SARNP: variants seen among roughly 807,000 people sequenced by gnomAD.
The protein encoded by SARNP is SAP domain-containing ribonucleoprotein.
In SARNP, 5 loss-of-function variants were observed where a neutral mutation model predicts 38.1. The observed-to-expected ratio is 0.13, with a 90% confidence interval of 0.07 to 0.28. The LOEUF (loss-of-function observed/expected upper bound fraction) is 0.28, where lower values mean the gene tolerates loss of function less well. SARNP is among the 10% of genes least tolerant of loss of function. The pLI is 1.00. For synonymous variants in SARNP, 84 were observed against 80.6 expected (o/e 1.04, Z -0.23); for missense variants, 180 against 243.9 (o/e 0.74, Z 1.75).
chr12:55,765,671 G>T (rs1878807835), intron 9 of SARNP, among the ~76,000 whole-genome samples: 1 of 152,000 alleles, frequency 6.6e-6, no homozygotes, highest in African/African-American at 2.4e-5. Context: ...AAGATCTTTG[G>T]TGCCTCTTCA....
chr12:55,768,547 C>T (rs1463206065), intron 9 of SARNP, among the ~76,000 whole-genome samples: 1 of 151,946 alleles, frequency 6.6e-6, no homozygotes, highest in Non-Finnish European at 1.5e-5. Context: ...GCCTCAGCCT[C>T]TGGAGTAGCT....
chr12:55,771,503 C>T (rs534396916), intron 9 of SARNP, among the ~76,000 whole-genome samples: 16 of 152,170 alleles, frequency 1.1e-4, no homozygotes. Context: ...ATCATCCCTC[C>T]TTATACCATG....
chr12:55,790,233 CTT>C (rs1037431800), intron 8 of SARNP, among the ~76,000 whole-genome samples: 1 of 150,826 alleles, frequency 6.6e-6, no homozygotes, highest in African/African-American at 2.4e-5. Flanking sequence ...CATAGATTCT[CTT>C]GTGGTAATTA....
chr12:55,805,205 C>T (rs1280254866), intron 1 of SARNP, among the ~76,000 whole-genome samples: 3 of 152,114 alleles, frequency 2.0e-5, no homozygotes, highest in Admixed American at 1.3e-4. Context: ...GAACTTGCAG[C>T]GAGCTGAGAT....
At chr12:55,754,926 T>C (rs1878458074), downstream of SARNP, 1 of 151,946 alleles carries the variant, frequency 6.6e-6, no homozygotes, top group Non-Finnish European at 1.5e-5. Context: ...ATCCGGGAGG[T>C]AGAAACCTAA....
At chr12:55,771,776 G>A (rs78783601) in intron 9 of SARNP, among the ~76,000 whole-genome samples, 2,054 of 152,212 alleles carry the variant, frequency 0.013, 23 homozygotes, top group East Asian at 0.02. Flanking sequence ...GGAATGTAAG[G>A]TAGCATGGCA....
chr12:55,761,219 T>C (rs542226401), intron 9 of SARNP, among the ~76,000 whole-genome samples: 1 of 150,948 alleles, frequency 6.6e-6, no homozygotes, highest in African/African-American at 2.4e-5. Context: ...GAAACACCCA[T>C]AAAACAAATT....
At chr12:55,764,724 C>T (rs899381556) in intron 9 of SARNP, among the ~76,000 whole-genome samples, 24 of 139,290 alleles carry the variant, frequency 1.7e-4, no homozygotes, top group African/African-American at 2.2e-4. Flanking sequence ...AGTCCCTACT[C>T]GGGAAGCTGA....
At chr12:55,777,578 G>A (rs1879219680) in intron 9 of SARNP, among the ~76,000 whole-genome samples, 1 of 152,058 alleles carries the variant, frequency 6.6e-6, no homozygotes, top group Admixed American at 6.6e-5. Flanking sequence ...GTTTCATCAT[G>A]TTAGCCAGGA....
At chr12:55,800,451 G>T in intron 4 of SARNP, 111 bp downstream of exon 4, 1 of 768,534 alleles carries the variant, frequency 1.3e-6, no homozygotes, top group Non-Finnish European at 2.1e-6. Flanking sequence ...GACCTAATCA[G>T]AAAGGAAAAG....
intron 9 of SARNP, among the ~76,000 whole-genome samples, chr12:55,763,184 T>C (rs557695930): frequency 6.6e-6 from 1 of 152,310 alleles, no homozygotes; most frequent in South Asian, 2.1e-4. Flanking sequence ...AAGAAAAACA[T>C]AAGTATTCTT....
At chr12:55,767,873 G>T (rs1390548729) in intron 9 of SARNP, among the ~76,000 whole-genome samples, 2 of 137,170 alleles carry the variant, frequency 1.5e-5, no homozygotes, top group African/African-American at 3.0e-5. Flanking sequence ...AAAAAAAAAG[G>T]ATATACACAC....
intron 3 of SARNP, 89 bp downstream of exon 3, chr12:55,800,765 C>T (rs907934770): frequency 3.0e-6 from 4 of 1,332,136 alleles, no homozygotes; most frequent in Non-Finnish European, 4.3e-6. Flanking sequence ...AATAAATTTA[C>T]ATCTAAGTCC....
intron 9 of SARNP, among the ~76,000 whole-genome samples, chr12:55,775,178 C>T (rs1229685145): frequency 6.7e-6 from 1 of 149,670 alleles, no homozygotes; most frequent in Non-Finnish European, 1.5e-5. Context: ...CGAGCCACCA[C>T]GCCCAGCCAC....
intron 9 of SARNP, among the ~76,000 whole-genome samples, chr12:55,762,873 TC>T (rs1878717516): frequency 1.3e-5 from 2 of 152,224 alleles, no homozygotes; most frequent in Non-Finnish European, 2.9e-5. Flanking sequence ...AGTCCACCTG[TC>T]TGAACACAGC....
chr12:55,800,061 C>T (rs1377678962), intron 4 of SARNP, among the ~76,000 whole-genome samples: 2 of 151,828 alleles, frequency 1.3e-5, no homozygotes, highest in East Asian at 3.9e-4. Context: ...AGTAGTGGCA[C>T]ACACCTATAA....
intron 1 of SARNP, among the ~76,000 whole-genome samples, chr12:55,813,071 G>A (rs531508586): frequency 8.6e-5 from 13 of 152,008 alleles, no homozygotes; most frequent in African/African-American, 3.1e-4. Context: ...TCAGCCTCCC[G>A]AGTAGCTGGG....
At chr12:55,804,705 T>C (rs1880085270) in intron 1 of SARNP, among the ~76,000 whole-genome samples, 1 of 152,144 alleles carries the variant, frequency 6.6e-6, no homozygotes, top group Non-Finnish European at 1.5e-5. Flanking sequence ...ACTCTTATTT[T>C]ACGAAGCACA....
chr12:55,757,252 A>C, downstream of SARNP: 1 of 323,592 alleles, frequency 3.1e-6, no homozygotes, highest in South Asian at 5.9e-5. Context: ...TCAAAGGAGC[A>C]CCTAATAAAA....
Sources: allele counts gnomAD v4.1 joint callset (sites outside exome capture counted in the v4.1 genomes callset), GRCh38; gene constraint gnomAD v4.1.1; transcripts MANE v1.5; gene names NCBI Gene and HGNC (gene_info 2026-07-23, HGNC 2026-07-21).